CNTNAP2: variants seen among roughly 807,000 people sequenced by gnomAD.
CNTNAP2 encodes contactin-associated protein-like 2.
Under a neutral mutation model 155.2 loss-of-function variants are expected in CNTNAP2, and 98 were observed. The observed-to-expected ratio is 0.63, with a 90% CI of 0.54 to 0.75. The LOEUF is 0.75. Ranked by LOEUF, CNTNAP2 falls within the 30% of genes least tolerant of loss-of-function variation. The pLI is 0.00. For synonymous variants in CNTNAP2, 651 were observed against 631.2 expected (o/e 1.03, Z -0.47); for missense variants, 1,727 against 1,688.1 (o/e 1.02, Z -0.40).
intron 1 of CNTNAP2, among the ~76,000 whole-genome samples, chr7:146,184,601 G>C (rs563144854): frequency 5.5e-4 from 83 of 152,272 alleles, no homozygotes; most frequent in African/African-American, 2.0e-3. Flanking sequence ...AATACCATAC[G>C]TAGAAGGATT....
At chr7:147,351,335 T>C (rs1795965214) in intron 9 of CNTNAP2, among the ~76,000 whole-genome samples, 2 of 151,868 alleles carry the variant, frequency 1.3e-5, no homozygotes, top group Non-Finnish European at 3.0e-5. Context: ...GGTGATAGCT[T>C]ATTATATTTG....
At chr7:146,537,920 T>C (rs1200556682) in intron 1 of CNTNAP2, among the ~76,000 whole-genome samples, 3 of 152,108 alleles carry the variant, frequency 2.0e-5, no homozygotes, top group Non-Finnish European at 2.9e-5. Flanking sequence ...ATAAGAATTT[T>C]GGCTGTCATG....
intron 13 of CNTNAP2, among the ~76,000 whole-genome samples, chr7:147,688,144 T>G (rs1796039641): frequency 6.6e-6 from 1 of 152,158 alleles, no homozygotes; most frequent in Admixed American, 6.6e-5. Flanking sequence ...TTAAATATTT[T>G]GCCTTTAAAA....
At chr7:146,443,362 T>C (rs1418720487) in intron 1 of CNTNAP2, among the ~76,000 whole-genome samples, 1 of 152,142 alleles carries the variant, frequency 6.6e-6, no homozygotes, top group Non-Finnish European at 1.5e-5. Context: ...AATTGCATAA[T>C]CGTATTTAGA....
At chr7:148,359,073 A>G (rs1372592610) in intron 21 of CNTNAP2, among the ~76,000 whole-genome samples, 1 of 152,224 alleles carries the variant, frequency 6.6e-6, no homozygotes, top group African/African-American at 2.4e-5. Context: ...TTTTCTGTTT[A>G]ACTACCTGTA....
rs187670011 is a variant in CNTNAP2, at chr7:146,307,616, T to A, written c.97+190643T>A. ...TACAGTAACCAAAACAGCATGGTAC[T>A]GGTACCAAAACAGAGATACAGACCA... On this transcript the variant is annotated intron_variant, in intron 1 of 23. Transcript: ENST00000361727. 3.3e-3 allele frequency among the ~76,000 whole-genome samples: 500 copies of A among 152,258 alleles called. 3 individuals are homozygous for A. The highest frequency in any genetic ancestry group is 0.012 in the African/African-American group (483 of 41,532).
intron 1 of CNTNAP2, among the ~76,000 whole-genome samples, chr7:146,612,219 A>G (rs1294855946): frequency 8.4e-6 from 1 of 119,380 alleles, no homozygotes; most frequent in Non-Finnish European, 1.7e-5. Flanking sequence ...CTGTTAACAG[A>G]TATGTGATTT....
chr7:146,260,380 A>G (rs1028799633), intron 1 of CNTNAP2, among the ~76,000 whole-genome samples: 1 of 152,174 alleles, frequency 6.6e-6, no homozygotes, highest in African/African-American at 2.4e-5. Flanking sequence ...CCAGACCCTG[A>G]AACAGTAGAT....
chr7:146,617,425 T>G (rs1196071590), intron 1 of CNTNAP2, among the ~76,000 whole-genome samples: 2 of 152,220 alleles, frequency 1.3e-5, no homozygotes, highest in African/African-American at 4.8e-5. Context: ...TGAAACATTT[T>G]AAGAAATGCT....
chr7:148,160,889 T>C (rs1274537404), intron 17 of CNTNAP2, among the ~76,000 whole-genome samples: 1 of 152,222 alleles, frequency 6.6e-6, no homozygotes, highest in Non-Finnish European at 1.5e-5. Context: ...TTTATTCTTT[T>C]CTTATGAAGC....
At chr7:148,286,255 G>A (rs1224854817) in intron 21 of CNTNAP2, among the ~76,000 whole-genome samples, 1 of 152,162 alleles carries the variant, frequency 6.6e-6, no homozygotes, top group East Asian at 1.9e-4. Context: ...TGATGCTTCA[G>A]AAAGGGGACC....
In CNTNAP2 at chr7:148,366,898, A is replaced by G. The variant is rs116018645; in HGVS notation, c.3476-16751A>G. On this transcript the variant is annotated intron_variant, in intron 21 of 23. Coordinates refer to ENST00000361727, the MANE Select transcript of CNTNAP2 (RefSeq NM_014141.6). The stretch of plus-strand genomic sequence containing the variant: ...GGCTACTTCCAGCTGTCTCCATAGC[A>G]TGGCAAAACAATATTCCCAGCCAAG... Among the ~76,000 whole-genome samples the G allele has an allele frequency of 6.0e-3, 907 of 152,258 alleles. 6 individuals are homozygous for G. The highest frequency in any genetic ancestry group is 0.019 in the African/African-American group (803 of 41,564).
intron 13 of CNTNAP2, among the ~76,000 whole-genome samples, chr7:147,835,127 C>T (rs927486247): frequency 1.3e-5 from 2 of 152,184 alleles, no homozygotes; most frequent in African/African-American, 4.8e-5. Flanking sequence ...AACCATTTCT[C>T]TCTATGCAAG....
chr7:148,092,355 A>G (rs1021237098), intron 15 of CNTNAP2, among the ~76,000 whole-genome samples: 2 of 152,210 alleles, frequency 1.3e-5, no homozygotes, highest in African/African-American at 4.8e-5. Flanking sequence ...AATGAGTGGC[A>G]TGATTCCAGA....
intron 21 of CNTNAP2, among the ~76,000 whole-genome samples, chr7:148,353,668 C>CACAT (rs1554422940): frequency 2.0e-5 from 3 of 151,892 alleles, no homozygotes; most frequent in Non-Finnish European, 2.9e-5. Context: ...CACACACACA[C>CACAT]GCACACACAA....
At chr7:146,455,842 C>A (rs181636142) in intron 1 of CNTNAP2, among the ~76,000 whole-genome samples, 1 of 151,906 alleles carries the variant, frequency 6.6e-6, no homozygotes, top group Non-Finnish European at 1.5e-5. Flanking sequence ...TTTTTATTAA[C>A]GAAAACTGCC....
intron 8 of CNTNAP2, among the ~76,000 whole-genome samples, chr7:147,172,624 T>C (rs772899444): frequency 6.6e-6 from 1 of 152,120 alleles, no homozygotes; most frequent in Non-Finnish European, 1.5e-5. Flanking sequence ...CAGGTAATTA[T>C]GTATAATTAG....
chr7:148,188,416 A>C (rs949064160), intron 18 of CNTNAP2, among the ~76,000 whole-genome samples: 1 of 152,202 alleles, frequency 6.6e-6, no homozygotes, highest in Non-Finnish European at 1.5e-5. Context: ...AGTGGGGAAG[A>C]CATTGGACAA....
chr7:147,777,486 A>T (rs540309280), intron 13 of CNTNAP2, among the ~76,000 whole-genome samples: 1 of 152,266 alleles, frequency 6.6e-6, no homozygotes, highest in African/African-American at 2.4e-5. Flanking sequence ...CAATCCTGGG[A>T]GCCCGGTTCC....
Sources: allele counts gnomAD v4.1 joint callset (sites outside exome capture counted in the v4.1 genomes callset), GRCh38; gene constraint gnomAD v4.1.1; transcripts MANE v1.5; gene names NCBI Gene and HGNC (gene_info 2026-07-23, HGNC 2026-07-21).